The following SPNS2 variants were observed in gnomAD, a reference collection of about 807,000 sequenced individuals.
SPNS2 encodes sphingosine-1-phosphate transporter SPNS2.
A neutral mutation model predicts 57.6 loss-of-function variants in SPNS2; 37 were observed. That is an observed-to-expected ratio of 0.64 (90% confidence interval 0.49 to 0.85). The LOEUF is 0.85. SPNS2 is among the 40% of genes least tolerant of loss of function. The probability of loss-of-function intolerance (pLI) is 0.00; values close to 1 mark genes in which losing one functional copy is unlikely to be tolerated. For synonymous variants in SPNS2, 440 were observed against 346.9 expected (o/e 1.27, Z -2.98); for missense variants, 831 against 779.1 (o/e 1.07, Z -0.79).
intron 3 of SPNS2, among the ~76,000 whole-genome samples, chr17:4,528,318 G>A (rs865986159): frequency 1.5e-4 from 23 of 152,010 alleles, no homozygotes; most frequent in African/African-American, 4.8e-4. Context: ...CCACTGTGCC[G>A]GGCCCTGTGA....
chr17:4,505,918 G>C (rs548009970), intron 1 of SPNS2, among the ~76,000 whole-genome samples: 1 of 152,236 alleles, frequency 6.6e-6, no homozygotes, highest in African/African-American at 2.4e-5. Context: ...TCCCTGTCAG[G>C]CATGGGGTTC....
rs1567600282 is a variant in SPNS2 at position 4,538,913 on chromosome 17, C to A, written c.*1465C>A. The stretch of plus-strand genomic sequence containing the variant: ...GAACCAGGTCCGAGTGTTGCCTCCT[C>A]TTCCTTCCGGAAGCCAAACTGCTCC... On this transcript the variant is annotated 3_prime_UTR_variant, in exon 13 of 13. Transcript: ENST00000329078. The A allele has an allele frequency of 1.3e-6, 1 of 782,008 alleles. No homozygotes were observed. Among genetic ancestry groups the A allele is most frequent in the Admixed American group, 1.7e-5 (1 of 59,010 alleles). The allele number at this position is 782,008 out of a possible 1,614,324, so 48.4% of individuals were successfully genotyped here.
At position 4,511,808 on chromosome 17, in the gene SPNS2, A is replaced by G. The variant is rs139936839; in HGVS notation, c.371-1439A>G. Among the ~76,000 whole-genome samples the G allele has an allele frequency of 1.5e-3, 225 of 152,310 alleles. 6 individuals are homozygous for G. In the South Asian group the frequency reaches 0.033, roughly 22 times the overall value. Reference sequence around the variant, plus strand: ...TGGGACATCCGCCCGTCTGTCCTGCATTCCGGGAAATTGCTCAGGATTCCA... The same window carrying G: ...TGGGACATCCGCCCGTCTGTCCTGCGTTCCGGGAAATTGCTCAGGATTCCA... On this transcript the variant is annotated intron_variant, in intron 1 of 12. Coordinates refer to ENST00000329078, the MANE Select transcript of SPNS2 (RefSeq NM_001124758.3). The surrounding 1 kb of genome is among the most constrained non-coding windows in gnomAD (Gnocchi z 4.6).
rs556903187 is a variant in SPNS2 at position 4,535,952 on chromosome 17, G to A, written c.1345-124G>A. 66 of 743,208 alleles carry A rather than the reference G, an allele frequency of 8.9e-5. No homozygotes were observed. In the South Asian group the frequency reaches 1.0e-3, roughly 12 times the overall value. 46.0% of individuals were successfully genotyped at this position (743,208 alleles called of 1,614,324 possible). A position where few individuals can be genotyped will look rare whatever the true frequency, so the allele number is the denominator to read the frequency against. ...AGGGCAGGGCCCAGGGGAGAGAGGT[G>A]TCAAGACGTAGGGCAGGAGTGAGTC... is the stretch of plus-strand genomic sequence containing the variant. On this transcript the variant is annotated intron_variant, in intron 9 of 12. Transcript: ENST00000329078.
intron 2 of SPNS2, among the ~76,000 whole-genome samples, chr17:4,522,118 G>A (rs1463103672): frequency 6.6e-6 from 1 of 152,216 alleles, no homozygotes; most frequent in Non-Finnish European, 1.5e-5. Flanking sequence ...AGAATCGCTT[G>A]AACCCGGGAG....
chr17:4,531,059 G>T lies in SPNS2; in HGVS notation c.732G>T (p.Leu244=), dbSNP rs746296926. 8 of 1,614,046 alleles carry T rather than the reference G, an allele frequency of 5.0e-6. No individual in the cohort carries two copies. ...FYFAIPLGSG[L]GYITGSSVKQ... Reference sequence around the variant, plus strand: ...GTGTGTCTCTTCTCTGCAGTGGCCTGGGCTACATTACTGGCTCCAGCGTGA... The same window carrying T: ...GTGTGTCTCTTCTCTGCAGTGGCCTTGGCTACATTACTGGCTCCAGCGTGA... The change falls in exon 5 of 13, where the codon CTG becomes CTT. Residue 244 remains leucine, a synonymous_variant. Transcript: ENST00000329078.
In SPNS2 at chr17:4,537,742, C is replaced by CG. The variant is rs1455410940; in HGVS notation, c.*298dup. ...AAGAAGACAGCCCCAAGTGGGTGTC[C>CG]GGGGAGAGCCTGGCCTGCCACCAGC... On this transcript the variant is annotated 3_prime_UTR_variant, in exon 13 of 13. Coordinates refer to ENST00000329078, the MANE Select transcript of SPNS2 (RefSeq NM_001124758.3). 2.2e-5 allele frequency: 10 copies of CG among 456,494 alleles called. No homozygotes were observed. The highest frequency in any genetic ancestry group is 1.6e-4 in the African/African-American group (8 of 50,096). 28.3% of individuals were successfully genotyped at this position (456,494 alleles called of 1,614,324 possible).
chr17:4,531,133 C>CAA lies in SPNS2; in HGVS notation c.792+14_792+15insAA. 1 of 1,613,792 alleles carries CAA rather than the reference C, an allele frequency of 6.2e-7. No homozygotes were observed. The highest frequency in any genetic ancestry group is 1.7e-4 in the Middle Eastern group (1 of 6,060). ...TGGGCATTGCGGGTAAGCCCTACGTCCCTTCCCATGAGGACACCCTCCGGT... is the reference window on the plus strand; with the variant it reads ...TGGGCATTGCGGGTAAGCCCTACGTCAACCTTCCCATGAGGACACCCTCCGGT... On this transcript the variant is annotated intron_variant, in intron 5 of 12. Coordinates refer to ENST00000329078, the MANE Select transcript of SPNS2 (RefSeq NM_001124758.3).
chr17:4,513,119 C>G, intron 1 of SPNS2, 128 bp from the exon 2 acceptor site: 2 of 1,002,274 alleles, frequency 2.0e-6, no homozygotes, highest in Non-Finnish European at 3.1e-6. Flanking sequence ...GGGTAGAGGT[C>G]GCAGCAGAGC....
chr17:4,515,342 C>A (rs1287723814), intron 2 of SPNS2, among the ~76,000 whole-genome samples: 1 of 152,206 alleles, frequency 6.6e-6, no homozygotes, highest in African/African-American at 2.4e-5. Context: ...AGGGAAATGG[C>A]TTGCTTGAGG....
intron 2 of SPNS2, among the ~76,000 whole-genome samples, chr17:4,523,770 T>C (rs1905199081): frequency 6.6e-6 from 1 of 152,174 alleles, no homozygotes; most frequent in Admixed American, 6.5e-5. Context: ...GGCATCCACT[T>C]GCTCTCACAC....
rs183074870 is a variant in SPNS2, at chr17:4,536,388, G to A, written c.1569G>A (p.Ala523=). The A allele has an allele frequency of 8.5e-5, 136 of 1,606,788 alleles. No homozygotes were observed. Among genetic ancestry groups the A allele is most frequent in the East Asian group, 2.0e-4 (9 of 44,872 alleles). Residue 523 remains alanine (A), a synonymous_variant, in exon 11 of 13, where the codon GCG becomes GCA. Transcript: ENST00000329078. The part of the protein sequence containing the change: ...VLGGMFFLAT[A]LFFVSDRARA... ...GCGGCATGTTCTTCCTCGCCACTGC[G>A]CTCTTCTTCGTCAGCGACCGCGCCA...
chr17:4,528,677 G>A (rs567954627), intron 3 of SPNS2, among the ~76,000 whole-genome samples: 3 of 151,720 alleles, frequency 2.0e-5, no homozygotes, highest in East Asian at 2.0e-4. Flanking sequence ...GGTTTTCACC[G>A]TGTTGGCCAG....
At chr17:4,535,525 C>T (rs1905737070) in intron 9 of SPNS2, among the ~76,000 whole-genome samples, 1 of 152,190 alleles carries the variant, frequency 6.6e-6, no homozygotes, top group African/African-American at 2.4e-5. Context: ...AGCCAAGGCA[C>T]CCTGGTCTCA....
At chr17:4,501,421 TTG>T (rs1904507338) in intron 1 of SPNS2, among the ~76,000 whole-genome samples, 1 of 152,078 alleles carries the variant, frequency 6.6e-6, no homozygotes, top group Non-Finnish European at 1.5e-5. Flanking sequence ...GATAGGAAAT[TTG>T]TGGTGAATTG....
chr17:4,509,720 C>T lies in SPNS2; in HGVS notation c.371-3527C>T, dbSNP rs116260399. 5.5e-3 allele frequency among the ~76,000 whole-genome samples: 832 copies of T among 152,328 alleles called. 9 individuals carry two copies. The highest frequency in any genetic ancestry group is 0.019 in the African/African-American group (803 of 41,572). ...GAGACCTCCTGGGGCTTGGGAGGTA[C>T]GTAACTTGTCAATGGATGTTGTTCC... is the stretch of plus-strand genomic sequence containing the variant. On this transcript the variant is annotated intron_variant, in intron 1 of 12. Coordinates refer to ENST00000329078, the MANE Select transcript of SPNS2 (RefSeq NM_001124758.3).
intron 6 of SPNS2, 100 bp downstream of exon 6, chr17:4,532,784 C>A (rs1267107782): frequency 1.4e-6 from 2 of 1,475,438 alleles, no homozygotes; most frequent in East Asian, 2.3e-5. Flanking sequence ...CAGCCAGACA[C>A]CCCACCTCTG....
In SPNS2 at chr17:4,512,641, T is replaced by TGTGC. The variant is rs1283858053; in HGVS notation, c.371-600_371-597dup. Among the ~76,000 whole-genome samples the TGTGC allele has an allele frequency of 1.3e-5, 2 of 151,600 alleles. No homozygotes were observed. The highest frequency in any genetic ancestry group is 1.5e-5 in the Non-Finnish European group (1 of 67,828). ...GGCAGCTGGGGTGACAGTGTGTGTG[T>TGTGC]GTGCGTGCGCGCGCACGGGTATGTG... On this transcript the variant is annotated intron_variant, in intron 1 of 12. Coordinates refer to ENST00000329078, the MANE Select transcript of SPNS2 (RefSeq NM_001124758.3). The surrounding 1 kb of genome is among the most constrained non-coding windows in gnomAD (Gnocchi z 5.2).
At position 4,499,302 on chromosome 17, in the gene SPNS2, G is replaced by A; in HGVS notation, c.255G>A (p.Lys85=). 1 of 1,494,898 alleles carries A rather than the reference G, an allele frequency of 6.7e-7. No individual in the cohort carries two copies. The highest frequency in any genetic ancestry group is 8.9e-7 in the Non-Finnish European group (1 of 1,128,992). The allele number at this position is 1,494,898 out of a possible 1,614,324, so 92.6% of individuals were successfully genotyped here. ...CCCCCGGCTGCGCAGCTACTGCAAAGGGCCCCGGCGCTCAGCAGCCCAAAC... is the reference window on the plus strand; with the variant it reads ...CCCCCGGCTGCGCAGCTACTGCAAAAGGCCCCGGCGCTCAGCAGCCCAAAC... The part of the protein sequence containing the change: ...PGTPGCAATA[K]GPGAQQPKPA... The change falls in exon 1 of 13, where the codon AAG becomes AAA. Residue 85 remains lysine (K), a synonymous_variant. Transcript: ENST00000329078. This position sits in a 1 kb window ranked among gnomAD's most constrained non-coding sequence, Gnocchi z 5.2.
Sources: allele counts gnomAD v4.1 joint callset (sites outside exome capture counted in the v4.1 genomes callset), GRCh38; gene constraint gnomAD v4.1.1; non-coding constraint Gnocchi (gnomAD v3.1); transcripts MANE v1.5; gene names NCBI Gene and HGNC (gene_info 2026-07-23, HGNC 2026-07-21).